The following PTPRD variants were observed in gnomAD, a reference collection of about 807,000 sequenced individuals.
PTPRD encodes the protein protein tyrosine phosphatase receptor type D.
PTPRD carries 34 observed loss-of-function variants against 214.5 expected under a neutral mutation model. The ratio of observed to expected loss-of-function variants is 0.16; its 90% CI spans 0.12 to 0.21. The LOEUF is 0.21. PTPRD is among the 10% of genes least tolerant of loss of function. The pLI, the probability that PTPRD is intolerant of heterozygous loss-of-function variation, is 1.00. For synonymous variants in PTPRD, 1,128 were observed against 845.7 expected (o/e 1.33, Z -5.79); for missense variants, 2,545 against 2,398.7 (o/e 1.06, Z -1.27).
chr9:9,590,755 G>C (rs1005784008), intron 7 of PTPRD, among the ~76,000 whole-genome samples: 5 of 151,904 alleles, frequency 3.3e-5, no homozygotes, highest in Non-Finnish European at 7.4e-5. Context: ...AATAAATCTA[G>C]AAATGAAAAG....
intron 11 of PTPRD, among the ~76,000 whole-genome samples, chr9:8,743,797 CAATAATAATAATAAT>C (rs138293869): frequency 7.2e-6 from 1 of 138,324 alleles, no homozygotes; most frequent in Non-Finnish European, 1.5e-5. Flanking sequence ...CAAAAAATAA[CAATAATAATAATAAT>C]AATAATAATA....
intron 39 of PTPRD, among the ~76,000 whole-genome samples, chr9:8,357,077 G>T (rs2077153769): frequency 6.6e-6 from 1 of 152,102 alleles, no homozygotes; most frequent in Non-Finnish European, 1.5e-5. Flanking sequence ...TTTTACATAA[G>T]CTATACGCTA....
chr9:9,191,154 T>A (rs1038319682), intron 9 of PTPRD, among the ~76,000 whole-genome samples: 24 of 152,190 alleles, frequency 1.6e-4, no homozygotes, highest in Middle Eastern at 3.2e-3. Flanking sequence ...TGTCACATTC[T>A]GTCTCTTGGA....
chr9:9,146,745 G>T (rs1385887835), intron 10 of PTPRD, among the ~76,000 whole-genome samples: 1 of 152,048 alleles, frequency 6.6e-6, no homozygotes, highest in African/African-American at 2.4e-5. Context: ...TCATTTATAA[G>T]GGATCAGAAA....
chr9:10,595,131 A>C (rs116584990), intron 2 of PTPRD, among the ~76,000 whole-genome samples: 58 of 152,058 alleles, frequency 3.8e-4, no homozygotes, highest in African/African-American at 1.4e-3. Context: ...TACAATTTTC[A>C]GAGTGAAAAT....
chr9:8,370,321 A>G (rs2081167198), intron 39 of PTPRD, among the ~76,000 whole-genome samples: 1 of 152,006 alleles, frequency 6.6e-6, no homozygotes, highest in Non-Finnish European at 1.5e-5. Flanking sequence ...AGTATAAGGG[A>G]CTAGGTGGTC....
chr9:9,454,239 G>A (rs1007011830), intron 8 of PTPRD, among the ~76,000 whole-genome samples: 1 of 151,634 alleles, frequency 6.6e-6, no homozygotes, highest in East Asian at 1.9e-4. Context: ...AACAAAAAAA[G>A]CCCTGATTTG....
intron 35 of PTPRD, among the ~76,000 whole-genome samples, chr9:8,431,492 G>A (rs1024218865): frequency 6.6e-6 from 1 of 152,082 alleles, no homozygotes; most frequent in Non-Finnish European, 1.5e-5. Flanking sequence ...GAATTTCTAG[G>A]GGCTGCAGTT....
chr9:8,664,606 C>T lies in PTPRD; in HGVS notation c.65-27762G>A, dbSNP rs1163834771. 2.6e-5 allele frequency among the ~76,000 whole-genome samples: 4 copies of T among 152,254 alleles called. No homozygotes were observed. In the East Asian group the frequency reaches 7.7e-4, roughly 29 times the overall value. Reference sequence around the variant, plus strand: ...TCTATACTTTCCTAGTGAGCAGAGACCACCAGCTCATATACTTCCAGATAG... The same window carrying T: ...TCTATACTTTCCTAGTGAGCAGAGATCACCAGCTCATATACTTCCAGATAG... On this transcript the variant is annotated intron_variant, in intron 12 of 45. Coordinates refer to ENST00000381196, the MANE Select transcript of PTPRD (RefSeq NM_002839.4).
chr9:10,102,029 T>A (rs1434528804), intron 3 of PTPRD, among the ~76,000 whole-genome samples: 1 of 151,764 alleles, frequency 6.6e-6, no homozygotes, highest in Non-Finnish European at 1.5e-5. Flanking sequence ...ACATTTGTAA[T>A]TTATATTTTA....
At chr9:9,419,128 T>TACATAC (rs150709902) in intron 8 of PTPRD, among the ~76,000 whole-genome samples, 81 of 139,898 alleles carry the variant, frequency 5.8e-4, no homozygotes, top group African/African-American at 2.0e-3. Flanking sequence ...AGGCCCCTTA[T>TACATAC]ACACACACAC....
chr9:10,395,424 G>C (rs1476631974), intron 2 of PTPRD, among the ~76,000 whole-genome samples: 1 of 151,526 alleles, frequency 6.6e-6, no homozygotes, highest in African/African-American at 2.4e-5. Context: ...CTTTTACAAA[G>C]GCTTCTGCAG....
At chr9:9,924,564 A>T (rs1317975877) in intron 5 of PTPRD, among the ~76,000 whole-genome samples, 2 of 151,320 alleles carry the variant, frequency 1.3e-5, no homozygotes, top group African/African-American at 2.4e-5. Flanking sequence ...TGCCCGAAAC[A>T]CTTTCCTTGC....
At chr9:9,609,648 A>G (rs1420928224) in intron 7 of PTPRD, among the ~76,000 whole-genome samples, 2 of 152,160 alleles carry the variant, frequency 1.3e-5, no homozygotes, top group African/African-American at 4.8e-5. Flanking sequence ...TTTTTAGTAG[A>G]GATGGGGTTT....
intron 6 of PTPRD, among the ~76,000 whole-genome samples, chr9:9,754,688 G>T (rs942684503): frequency 3.3e-5 from 5 of 151,990 alleles, no homozygotes; most frequent in South Asian, 2.1e-4. Flanking sequence ...TAATTGGAAG[G>T]TTTGTTTCTT....
chr9:8,538,853 A>G (rs1593127906), intron 14 of PTPRD, among the ~76,000 whole-genome samples: 1 of 151,872 alleles, frequency 6.6e-6, no homozygotes, highest in African/African-American at 2.4e-5. Flanking sequence ...TCTCCAGTTG[A>G]AAGGAAACAC....
chr9:8,341,738 T>G lies in PTPRD; in HGVS notation c.4902A>C (p.Gln1634His), dbSNP rs1237339183. The change falls in exon 40 of 46, where the codon CAA becomes CAC. Residue 1634 changes from glutamine to histidine, a missense_variant. Gln to His is a conservative substitution (Grantham distance 24, BLOSUM62 0). Coordinates refer to ENST00000381196, the MANE Select transcript of PTPRD (RefSeq NM_002839.4). ...CTGTGACATTCTCTCCCGTTTCTAT[T>G]TGTGTCAGCTTCTGAATGTAGGCAT... The part of the protein sequence containing the change: ...NLYAYIQKLT[Q>H]IETGENVTGM... The G allele has an allele frequency of 3.1e-6, 5 of 1,613,482 alleles. No homozygotes were observed. The highest frequency in any genetic ancestry group is 4.2e-6 in the Non-Finnish European group (5 of 1,179,696).
chr9:8,435,445 A>G (rs572025501), intron 35 of PTPRD, among the ~76,000 whole-genome samples: 2 of 152,196 alleles, frequency 1.3e-5, no homozygotes, highest in Non-Finnish European at 2.9e-5. Context: ...AACGACTCCC[A>G]GTAAGTAAAT....
chr9:8,537,714 C>T (rs2077295184), intron 14 of PTPRD, among the ~76,000 whole-genome samples: 1 of 151,978 alleles, frequency 6.6e-6, no homozygotes. Flanking sequence ...GAGCAAAGCT[C>T]CATTTTATGA....
Sources: gnomAD v4.1 joint callset for allele counts (sites outside exome capture counted in the v4.1 genomes callset) on GRCh38, gnomAD v4.1.1 for gene constraint, MANE v1.5 for transcripts, NCBI Gene and HGNC (gene_info 2026-07-23, HGNC 2026-07-21) for gene names.